The following PTPRO variants were observed in gnomAD, a reference collection of about 807,000 sequenced individuals.
PTPRO encodes the protein protein tyrosine phosphatase receptor type O, also known as receptor-type tyrosine-protein phosphatase O.
PTPRO carries 62 observed loss-of-function variants against 145.2 expected under a neutral mutation model. That is an observed-to-expected ratio of 0.43 (90% CI 0.35 to 0.53). The LOEUF (loss-of-function observed/expected upper bound fraction) is 0.53, where lower values mean the gene tolerates loss of function less well. Ranked by LOEUF, PTPRO falls within the 20% of genes least tolerant of loss-of-function variation. The probability of loss-of-function intolerance (pLI) is 0.01; values close to 1 mark genes in which losing one functional copy is unlikely to be tolerated. For missense variants in PTPRO, 1,345 were observed against 1,482.7 expected (o/e 0.91, Z 1.53); for synonymous variants, 565 against 514.7 (o/e 1.10, Z -1.32).
chr12:15,454,669 T>C (rs887434849), intron 1 of PTPRO, among the ~76,000 whole-genome samples: 3 of 152,196 alleles, frequency 2.0e-5, no homozygotes, highest in African/African-American at 7.2e-5. Flanking sequence ...ACCAGTGTCA[T>C]GAAGCTTTTC....
chr12:15,594,719 GT>G (rs1050527711), intron 25 of PTPRO, among the ~76,000 whole-genome samples: 2 of 151,656 alleles, frequency 1.3e-5, no homozygotes, highest in Non-Finnish European at 2.9e-5. Context: ...AAATTCCACT[GT>G]TTTTTTAAAA....
chr12:15,404,668 A>T (rs922742988), intron 1 of PTPRO, among the ~76,000 whole-genome samples: 1 of 152,176 alleles, frequency 6.6e-6, no homozygotes, highest in Non-Finnish European at 1.5e-5. Flanking sequence ...ATAATCTGAG[A>T]CTAAGAGAAA....
intron 1 of PTPRO, among the ~76,000 whole-genome samples, chr12:15,364,366 A>G (rs1323410636): frequency 6.6e-6 from 1 of 152,200 alleles, no homozygotes; most frequent in African/African-American, 2.4e-5. Context: ...CTCTCTACAA[A>G]TAAATCACTG....
chr12:15,557,034 T>G (rs372971466), intron 15 of PTPRO, among the ~76,000 whole-genome samples: 13 of 130,996 alleles, frequency 9.9e-5, no homozygotes, highest in African/African-American at 4.9e-4. Context: ...TTTATTTTGT[T>G]TTTTTTTTTT....
intron 1 of PTPRO, among the ~76,000 whole-genome samples, chr12:15,419,712 T>G (rs1234348745): frequency 6.6e-6 from 1 of 150,798 alleles, no homozygotes; most frequent in Admixed American, 6.6e-5. Context: ...AGCAGAAGAA[T>G]ACGTCAAAGC....
chr12:15,457,156 A>G (rs1941198638), intron 1 of PTPRO, among the ~76,000 whole-genome samples: 2 of 152,158 alleles, frequency 1.3e-5, no homozygotes, highest in African/African-American at 2.4e-5. Flanking sequence ...TTGGACTTGC[A>G]TCAGTGCTTT....
At chr12:15,374,616 G>A (rs1938626968) in intron 1 of PTPRO, among the ~76,000 whole-genome samples, 1 of 152,110 alleles carries the variant, frequency 6.6e-6, no homozygotes, top group Non-Finnish European at 1.5e-5. Context: ...AAGCTCTCTG[G>A]AAAAGCTGTA....
intron 1 of PTPRO, among the ~76,000 whole-genome samples, chr12:15,448,338 G>GGAAAAAAAAAAAAAAAAA (rs1565635275): frequency 2.6e-4 from 1 of 3,866 alleles, no homozygotes; most frequent in Non-Finnish European, 3.6e-3. Flanking sequence ...CCTGTTCCTA[G>GGAAAAAAAAAAAAAAAAA]TAAAAAAAAA....
chr12:15,395,475 C>G (rs1054932246), intron 1 of PTPRO, among the ~76,000 whole-genome samples: 1 of 151,532 alleles, frequency 6.6e-6, no homozygotes, highest in African/African-American at 2.4e-5. Flanking sequence ...CTTCTTTATC[C>G]CAAAAGTCTC....
At chr12:15,575,508 T>C (rs1422973001) in intron 19 of PTPRO, among the ~76,000 whole-genome samples, 1 of 152,220 alleles carries the variant, frequency 6.6e-6, no homozygotes, top group Non-Finnish European at 1.5e-5. Context: ...CATAAATCTC[T>C]ACTGTTTAAA....
At chr12:15,489,505 A>G (rs1343096509) in intron 2 of PTPRO, among the ~76,000 whole-genome samples, 1 of 152,170 alleles carries the variant, frequency 6.6e-6, no homozygotes, top group African/African-American at 2.4e-5. Context: ...TTTAGACCAT[A>G]TAGAGTAACT....
intron 1 of PTPRO, among the ~76,000 whole-genome samples, chr12:15,472,702 C>A (rs1210459008): frequency 4.6e-5 from 7 of 152,298 alleles, no homozygotes; most frequent in African/African-American, 1.7e-4. Context: ...GGATGCAAAT[C>A]TTGGAAGTCT....
rs934715094 is a variant in PTPRO at position 15,451,321 on chromosome 12, C to T, written c.76-32653C>T. The stretch of plus-strand genomic sequence containing the variant: ...TACATATATATATATATGCACCTAA[C>T]ACTGGAGCTCCCAAATTTATAAAAC... On this transcript the variant is annotated intron_variant, in intron 1 of 26. Transcript: ENST00000281171. Among the ~76,000 whole-genome samples the T allele has an allele frequency of 3.3e-5, 5 of 151,966 alleles. No individual in the cohort carries two copies. In the South Asian group the frequency reaches 1.0e-3, roughly 32 times the overall value.
chr12:15,478,031 G>A (rs906361713), intron 1 of PTPRO, among the ~76,000 whole-genome samples: 1 of 152,148 alleles, frequency 6.6e-6, no homozygotes, highest in Non-Finnish European at 1.5e-5. Context: ...CTGTGTTTCT[G>A]ATGGCCAAGA....
chr12:15,366,889 CTATT>C (rs1275223565), intron 1 of PTPRO, among the ~76,000 whole-genome samples: 2 of 152,048 alleles, frequency 1.3e-5, no homozygotes, highest in South Asian at 4.1e-4. Context: ...AATCAATTAA[CTATT>C]TATTTCAAGT....
chr12:15,434,965 A>G (rs1488490551), intron 1 of PTPRO, among the ~76,000 whole-genome samples: 13 of 152,238 alleles, frequency 8.5e-5, no homozygotes, highest in Non-Finnish European at 8.8e-5. Context: ...GCAAAGAAGC[A>G]TTAGCATCTC....
intron 1 of PTPRO, among the ~76,000 whole-genome samples, chr12:15,379,026 A>G (rs924505697): frequency 7.2e-5 from 11 of 152,172 alleles, no homozygotes; most frequent in Non-Finnish European, 1.6e-4. Flanking sequence ...AAAATAGACA[A>G]TTAAAAGCCC....
chr12:15,333,957 T>C (rs1203513120), intron 1 of PTPRO, among the ~76,000 whole-genome samples: 2 of 152,216 alleles, frequency 1.3e-5, no homozygotes, highest in Non-Finnish European at 2.9e-5. Flanking sequence ...TATAATTTAC[T>C]TACTTATAAA....
intron 1 of PTPRO, among the ~76,000 whole-genome samples, chr12:15,473,974 C>T (rs916995826): frequency 9.2e-5 from 14 of 152,120 alleles, no homozygotes; most frequent in Middle Eastern, 3.4e-3. Flanking sequence ...CTTGGACTTC[C>T]CCTAGTTCTC....
Sources: gnomAD v4.1 joint callset for allele counts (sites outside exome capture counted in the v4.1 genomes callset) on GRCh38, gnomAD v4.1.1 for gene constraint, MANE v1.5 for transcripts, NCBI Gene and HGNC (gene_info 2026-07-23, HGNC 2026-07-21) for gene names.